PRXL2C: variants seen among roughly 807,000 people sequenced by gnomAD.
PRXL2C encodes peroxiredoxin-like 2C.
In PRXL2C, 38 loss-of-function variants were observed where a neutral mutation model predicts 24.9. The observed-to-expected ratio is 1.53, with a 90% confidence interval of 1.18 to 2.00. The LOEUF (loss-of-function observed/expected upper bound fraction) is 2.00. Among genes scored for constraint, PRXL2C ranks in the 30% most tolerant of loss-of-function variants. The probability of loss-of-function intolerance (pLI) is 0.00; values close to 1 mark genes in which losing one functional copy is unlikely to be tolerated. For synonymous variants in PRXL2C, 98 were observed against 117.2 expected, an observed-to-expected ratio of 0.84 and a Z score of 1.06; for missense variants, 294 against 290.9, an observed-to-expected ratio of 1.01 and a Z score of -0.08.
At chr9:96,650,313 A>C (rs1423864265) in intron 4 of PRXL2C, among the ~76,000 whole-genome samples, 1 of 152,136 alleles carries the variant, frequency 6.6e-6, no homozygotes, top group Admixed American at 6.6e-5. Flanking sequence ...ATTTATTCAA[A>C]ATTATTGATT....
At chr9:96,646,699 G>A (rs960682692) in intron 4 of PRXL2C, among the ~76,000 whole-genome samples, 1 of 152,186 alleles carries the variant, frequency 6.6e-6, no homozygotes, top group Non-Finnish European at 1.5e-5. Flanking sequence ...GAAGGCTTGG[G>A]TTGAAGGTGG....
intron 4 of PRXL2C, among the ~76,000 whole-genome samples, chr9:96,650,817 C>A (rs917438181): frequency 7.2e-6 from 1 of 138,352 alleles, no homozygotes; most frequent in South Asian, 2.1e-4. Flanking sequence ...TGTGCGCACG[C>A]GTGCACACAC....
Position 96,641,865 on chromosome 9 carries a change from T to C in PRXL2C, c.575A>G (p.His192Arg), listed in dbSNP as rs1318103250. 6.6e-7 allele frequency: 1 copy of C among 1,504,582 alleles called. No individual in the cohort carries two copies. The highest frequency in any genetic ancestry group is 9.0e-7 in the Non-Finnish European group (1 of 1,107,794). 93.2% of individuals were successfully genotyped at this position (1,504,582 alleles called of 1,614,324 possible). A position where few individuals can be genotyped will look rare whatever the true frequency, so the allele number is the denominator to read the frequency against. ...GTGATCCAACCTATTCCTATCGCGG[T>C]GTATAAAATGGATGTTGTTACCTAG... is the stretch of plus-strand genomic sequence containing the variant. The part of the protein sequence containing the change: ...LGPGNNIHFI[H>R]RDRNRLDHKP... Residue 192 changes from histidine (H) to arginine (R), a missense_variant, in exon 6 of 6, where the codon CAC (histidine) becomes CGC (arginine). His to Arg is a conservative substitution (Grantham distance 29). Transcript: ENST00000375234.
At chr9:96,648,500 A>G (rs1464197567) in intron 4 of PRXL2C, among the ~76,000 whole-genome samples, 2 of 151,964 alleles carry the variant, frequency 1.3e-5, no homozygotes, top group African/African-American at 4.8e-5. Flanking sequence ...TTTTCAAGTA[A>G]GACTATTCTG....
chr9:96,649,298 C>T (rs1848236988), intron 4 of PRXL2C, among the ~76,000 whole-genome samples: 1 of 151,058 alleles, frequency 6.6e-6, no homozygotes, highest in South Asian at 2.1e-4. Context: ...GGTGCGGTGG[C>T]TCATGCCTGT....
intron 2 of PRXL2C, among the ~76,000 whole-genome samples, chr9:96,653,732 T>A (rs1317536486): frequency 6.6e-6 from 1 of 152,138 alleles, no homozygotes; most frequent in African/African-American, 2.4e-5. Flanking sequence ...AAAAAGAGAA[T>A]AAAAGGATAC....
intron 5 of PRXL2C, 73 bp from the exon 6 acceptor site, chr9:96,641,959 A>C: frequency 7.6e-7 from 1 of 1,313,236 alleles, no homozygotes; most frequent in Non-Finnish European, 1.0e-6. Context: ...AAAATCAAGG[A>C]AGCTTTTCAA....
rs186641948 is a variant in PRXL2C at position 96,649,501 on chromosome 9, T to C, written c.421+1889A>G. 4.1e-3 allele frequency among the ~76,000 whole-genome samples: 540 copies of C among 133,038 alleles called. 170 individuals are homozygous for C. The highest frequency in any genetic ancestry group is 0.02 in the African/African-American group (521 of 25,896). The allele number at this position is 133,038 out of a possible 152,430, so 87.3% of individuals were successfully genotyped here. ...ATCACTTGAACCCAGGAGGTGGAGG[T>C]TGCAGTGAGCCGAGATCACACCATC... On this transcript the variant is annotated intron_variant, in intron 4 of 5. Coordinates refer to ENST00000375234, the MANE Select transcript of PRXL2C (RefSeq NM_153698.2).
At position 96,640,637 on chromosome 9, in the gene PRXL2C, CTGTTA is replaced by C. The variant is rs1225710114; in HGVS notation, c.*1117_*1121del. On this transcript the variant is annotated 3_prime_UTR_variant, in exon 6 of 6. Coordinates refer to ENST00000375234, the MANE Select transcript of PRXL2C (RefSeq NM_153698.2). ...GGTCAGGAGGTCAAGACCATCCTGG[CTGTTA>C]TAACACAGTGAAACCCCGTCTCTAA... is the stretch of plus-strand genomic sequence containing the variant. 2 of 148,388 alleles carry C rather than the reference CTGTTA, an allele frequency of 1.3e-5. No homozygotes were observed. Among genetic ancestry groups the C allele is most frequent in the African/African-American group, 5.0e-5 (2 of 40,062 alleles). 9.2% of individuals were successfully genotyped at this position (148,388 alleles called of 1,614,324 possible). A position where few individuals can be genotyped will look rare whatever the true frequency, so the allele number is the denominator to read the frequency against.
chr9:96,646,695 T>C (rs528123011), intron 4 of PRXL2C, among the ~76,000 whole-genome samples: 7 of 152,318 alleles, frequency 4.6e-5, no homozygotes, highest in Admixed American at 3.3e-4. Flanking sequence ...CTTGGAAGGC[T>C]TGGGTTGAAG....
intron 2 of PRXL2C, among the ~76,000 whole-genome samples, chr9:96,654,489 C>G (rs1230574152): frequency 6.6e-6 from 1 of 152,208 alleles, no homozygotes; most frequent in Non-Finnish European, 1.5e-5. Context: ...CAGGCAACAC[C>G]ACAATTGTTA....
In PRXL2C at chr9:96,641,672, G is replaced by A. The variant is rs896496099; in HGVS notation, c.*87C>T. 2 of 1,350,340 alleles carry A rather than the reference G, an allele frequency of 1.5e-6. No individual in the cohort carries two copies. The highest frequency in any genetic ancestry group is 1.4e-5 in the African/African-American group (1 of 69,258). The allele number at this position is 1,350,340 out of a possible 1,614,324, so 83.6% of individuals were successfully genotyped here. ...CTCAAAGGCTGGGAAGGGACAGCAG[G>A]TTAGACACTGCACGAGGATATTACA... On this transcript the variant is annotated 3_prime_UTR_variant, in exon 6 of 6. Transcript: ENST00000375234.
chr9:96,645,118 C>T (rs1038733661), intron 5 of PRXL2C, among the ~76,000 whole-genome samples: 5 of 151,190 alleles, frequency 3.3e-5, no homozygotes, highest in African/African-American at 9.7e-5. Context: ...ACCGTGTTAG[C>T]CAGGATGGTC....
Position 96,641,865 on chromosome 9 carries a change from T to G in PRXL2C, c.575A>C (p.His192Pro). 1 of 1,504,582 alleles carries G rather than the reference T, an allele frequency of 6.6e-7. No homozygotes were observed. Among genetic ancestry groups the G allele is most frequent in the South Asian group, 1.3e-5 (1 of 74,966 alleles). 93.2% of individuals were successfully genotyped at this position (1,504,582 alleles called of 1,614,324 possible). A position where few individuals can be genotyped will look rare whatever the true frequency, so the allele number is the denominator to read the frequency against. The change falls in exon 6 of 6, where the codon CAC becomes CCC. Residue 192 changes from histidine (H) to proline (P), a missense_variant. Coordinates refer to ENST00000375234, the MANE Select transcript of PRXL2C (RefSeq NM_153698.2). ...GTGATCCAACCTATTCCTATCGCGG[T>G]GTATAAAATGGATGTTGTTACCTAG... is the stretch of plus-strand genomic sequence containing the variant. ...LGPGNNIHFI[H>P]RDRNRLDHKP...
intron 5 of PRXL2C, 44 bp downstream of exon 5, chr9:96,645,849 A>G: frequency 6.5e-7 from 1 of 1,537,100 alleles, no homozygotes; most frequent in Non-Finnish European, 8.7e-7. Context: ...GAACTTGTAA[A>G]AAGCACAAGA....
chr9:96,644,604 G>C (rs756196950), intron 5 of PRXL2C, among the ~76,000 whole-genome samples: 9 of 152,164 alleles, frequency 5.9e-5, no homozygotes, highest in Non-Finnish European at 1.0e-4. Context: ...TCCTGCCTTA[G>C]CCTCCCAAGT....
rs1365346771 is a variant in PRXL2C at position 96,640,646 on chromosome 9, C to T, written c.*1113G>A. ...GTCAAGACCATCCTGGCTGTTATAA[C>T]ACAGTGAAACCCCGTCTCTAATAAA... On this transcript the variant is annotated 3_prime_UTR_variant, in exon 6 of 6. Transcript: ENST00000375234. 7.1e-6 allele frequency: 1 copy of T among 141,720 alleles called. No individual in the cohort carries two copies. The highest frequency in any genetic ancestry group is 1.5e-5 in the Non-Finnish European group (1 of 66,598). The allele number at this position is 141,720 out of a possible 1,614,324, so 8.8% of individuals were successfully genotyped here.
chr9:96,645,887 G>C lies in PRXL2C; in HGVS notation c.553+6C>G. On this transcript the variant is annotated splice_donor_region_variant and intron_variant, in intron 5 of 5. Coordinates refer to ENST00000375234, the MANE Select transcript of PRXL2C (RefSeq NM_153698.2). The stretch of plus-strand genomic sequence containing the variant: ...TCTACTGCTGAACCTGGGCTTTGAT[G>C]CTTACCTGGACCTAAAATGAGGGTT... 6.2e-7 allele frequency: 1 copy of C among 1,603,826 alleles called. No individual in the cohort carries two copies. Among genetic ancestry groups the C allele is most frequent in the African/African-American group, 1.3e-5 (1 of 74,278 alleles).
Position 96,647,703 on chromosome 9 carries a change from T to G in PRXL2C, c.422-1679A>C, listed in dbSNP as rs146406157. Among the ~76,000 whole-genome samples, 1,036 of 152,186 alleles carry G rather than the reference T, an allele frequency of 6.8e-3. 11 individuals carry two copies. The highest frequency in any genetic ancestry group is 0.023 in the African/African-American group (935 of 41,506). Reference sequence around the variant, plus strand: ...AATCCTGGCTAATTAAAAATTTTTTTTTGTTGTTGAGATGGGGTCTCACTT... The same window carrying G: ...AATCCTGGCTAATTAAAAATTTTTTGTTGTTGTTGAGATGGGGTCTCACTT... On this transcript the variant is annotated intron_variant, in intron 4 of 5. Transcript: ENST00000375234.
Sources: gnomAD v4.1 joint callset for allele counts (sites outside exome capture counted in the v4.1 genomes callset) on GRCh38, gnomAD v4.1.1 for gene constraint, MANE v1.5 for transcripts, NCBI Gene and HGNC (gene_info 2026-07-23, HGNC 2026-07-21) for gene names.